The following PACRG variants were observed in gnomAD, a reference collection of about 807,000 sequenced individuals.
PACRG encodes the protein parkin coregulated gene protein.
In PACRG, 29 loss-of-function variants were observed where a neutral mutation model predicts 29.7. The ratio of observed to expected loss-of-function variants is 0.98; its 90% CI spans 0.73 to 1.33. The LOEUF (loss-of-function observed/expected upper bound fraction) is 1.33, where lower values mean the gene tolerates loss of function less well. Among genes scored for constraint, PACRG ranks in the 40% most tolerant of loss-of-function variants. The pLI is 0.00. For missense variants in PACRG, 279 were observed against 316.2 expected, an observed-to-expected ratio of 0.88 and a Z score of 0.89; for synonymous variants, 116 against 118.7, an observed-to-expected ratio of 0.98 and a Z score of 0.15.
intron 4 of PACRG, among the ~76,000 whole-genome samples, chr6:163,268,576 G>A (rs1198836898): frequency 1.3e-5 from 2 of 152,012 alleles, no homozygotes; most frequent in Non-Finnish European, 2.9e-5. Flanking sequence ...GCCCTAAACG[G>A]TCAGTTTGCT....
chr6:162,772,494 A>C (rs1783299605), intron 1 of PACRG, among the ~76,000 whole-genome samples: 1 of 152,234 alleles, frequency 6.6e-6, no homozygotes, highest in Admixed American at 6.5e-5. Context: ...AGAAATAAGG[A>C]AAAAGAAATT....
intron 4 of PACRG, among the ~76,000 whole-genome samples, chr6:163,108,778 A>G (rs1208825543): frequency 6.6e-6 from 1 of 152,224 alleles, no homozygotes; most frequent in Non-Finnish European, 1.5e-5. Flanking sequence ...GAACAGACTA[A>G]TAACACTGTC....
At chr6:163,023,373 G>A (rs1380106154) in intron 2 of PACRG, among the ~76,000 whole-genome samples, 1 of 152,160 alleles carries the variant, frequency 6.6e-6, no homozygotes, top group Non-Finnish European at 1.5e-5. Context: ...ATGACCTCCA[G>A]CTCTATTTAC....
At position 163,120,688 on chromosome 6, in the gene PACRG, G is replaced by GA. The variant is rs375142150; in HGVS notation, c.613+31290dup. ...TTTTGTTTTTGGTTTTTCTTTTTAA[G>GA]AAAAAAAAAATACTGTGGACTTCTG... On this transcript the variant is annotated intron_variant, in intron 4 of 4. Coordinates refer to ENST00000366888, the MANE Select transcript of PACRG (RefSeq NM_001080379.2). 8.5e-3 allele frequency among the ~76,000 whole-genome samples: 1,264 copies of GA among 149,050 alleles called. 8 individuals carry two copies. The highest frequency in any genetic ancestry group is 0.014 in the Non-Finnish European group (927 of 67,090).
At chr6:162,849,407 T>G (rs890708109) in intron 2 of PACRG, among the ~76,000 whole-genome samples, 1 of 152,186 alleles carries the variant, frequency 6.6e-6, no homozygotes, top group African/African-American at 2.4e-5. Flanking sequence ...ATGTGAAGAA[T>G]GCATGCCCCA....
chr6:162,841,381 A>G (rs1229558919), intron 2 of PACRG, among the ~76,000 whole-genome samples: 1 of 151,862 alleles, frequency 6.6e-6, no homozygotes, highest in Non-Finnish European at 1.5e-5. Context: ...GTTTATTTGC[A>G]TAGAGGTGTT....
At chr6:163,072,494 T>C (rs1271904357) in intron 3 of PACRG, among the ~76,000 whole-genome samples, 1 of 152,140 alleles carries the variant, frequency 6.6e-6, no homozygotes, top group Non-Finnish European at 1.5e-5. Context: ...GACTCACAGC[T>C]AGTATCACAC....
intron 2 of PACRG, among the ~76,000 whole-genome samples, chr6:162,869,720 GATTCTTGATAA>G (rs1345333724): frequency 2.0e-5 from 3 of 152,142 alleles, no homozygotes; most frequent in African/African-American, 4.8e-5. Context: ...TGGAAAGCCT[GATTCTTGATAA>G]ATTCATTATC....
chr6:162,891,050 C>T (rs1006793322), intron 2 of PACRG, among the ~76,000 whole-genome samples: 1 of 152,178 alleles, frequency 6.6e-6, no homozygotes, highest in African/African-American at 2.4e-5. Flanking sequence ...TTGTGATGCT[C>T]ATACGTGGTC....
intron 3 of PACRG, among the ~76,000 whole-genome samples, chr6:163,078,615 G>A (rs1812775809): frequency 1.3e-5 from 2 of 151,942 alleles, no homozygotes; most frequent in African/African-American, 2.4e-5. Flanking sequence ...CATTATCATC[G>A]TCATCATTAT....
In PACRG at chr6:163,269,940, AAAGAAAGAAAGAAAGAAAGAAAGAAAG is replaced by A. The variant is rs1783731598; in HGVS notation, c.614-44884_614-44858del. On this transcript the variant is annotated intron_variant, in intron 4 of 4. Coordinates refer to ENST00000366888, the MANE Select transcript of PACRG (RefSeq NM_001080379.2). ...AAAGAAAGAAAGAAAACAAAGAAAG[AAAGAAAGAAAGAAAGAAAGAAAGAAAG>A]AAAGAAAGAAAGAAAGAAAGAAAGA... is the stretch of plus-strand genomic sequence containing the variant. 8.1e-5 allele frequency among the ~76,000 whole-genome samples: 2 copies of A among 24,664 alleles called. 1 individual carries two copies. Among genetic ancestry groups the A allele is most frequent in the Non-Finnish European group, 1.6e-4 (2 of 12,572 alleles). 16.2% of individuals were successfully genotyped at this position (24,664 alleles called of 152,430 possible).
At chr6:163,119,118 C>T (rs141437929) in intron 4 of PACRG, among the ~76,000 whole-genome samples, 54 of 152,312 alleles carry the variant, frequency 3.5e-4, no homozygotes, top group Admixed American at 3.1e-3. Context: ...ATGCAGATCC[C>T]AGGGCCATCT....
At chr6:163,132,672 TC>T (rs1816786372) in intron 4 of PACRG, among the ~76,000 whole-genome samples, 1 of 152,200 alleles carries the variant, frequency 6.6e-6, no homozygotes, top group African/African-American at 2.4e-5. Context: ...CTTCTGTACC[TC>T]CTCAGTAGGA....
chr6:163,253,248 GGA>G (rs1249963502), intron 4 of PACRG, among the ~76,000 whole-genome samples: 1 of 150,494 alleles, frequency 6.6e-6, no homozygotes, highest in Non-Finnish European at 1.5e-5. Context: ...TGCAGTGAGG[GGA>G]GATCGCACCA....
At chr6:163,174,662 G>T (rs1455550216) in intron 4 of PACRG, among the ~76,000 whole-genome samples, 2 of 152,158 alleles carry the variant, frequency 1.3e-5, no homozygotes, top group Admixed American at 1.3e-4. Flanking sequence ...AATCATCATT[G>T]TTGGGAAACT....
At position 162,728,137 on chromosome 6, in the gene PACRG, C is replaced by G; in HGVS notation, c.-99C>G. The G allele has an allele frequency of 7.2e-7, 1 of 1,381,126 alleles. No individual in the cohort carries two copies. The allele number at this position is 1,381,126 out of a possible 1,614,324, so 85.6% of individuals were successfully genotyped here. On this transcript the variant is annotated 5_prime_UTR_variant, in exon 1 of 5. Transcript: ENST00000366888. ...AGGGGTTGAATTTCTACCATTATCG[C>G]GCCTTTTGATATTTTTTTCCAGACC...
At chr6:163,252,268 A>G (rs1782936623) in intron 4 of PACRG, among the ~76,000 whole-genome samples, 1 of 152,236 alleles carries the variant, frequency 6.6e-6, no homozygotes, top group African/African-American at 2.4e-5. Flanking sequence ...ATATTCCCCA[A>G]GCATCGCTGA....
intron 2 of PACRG, among the ~76,000 whole-genome samples, chr6:162,989,592 A>G (rs571381908): frequency 6.6e-6 from 1 of 152,266 alleles, no homozygotes; most frequent in South Asian, 2.1e-4. Context: ...GGAAATCATA[A>G]CCAAAAAAAT....
At chr6:163,294,338 C>T (rs989670235) in intron 4 of PACRG, among the ~76,000 whole-genome samples, 4 of 151,964 alleles carry the variant, frequency 2.6e-5, no homozygotes, top group Non-Finnish European at 4.4e-5. Context: ...TTTTCTAAAA[C>T]CACTAAAAAA....
Sources: gnomAD v4.1 joint callset for allele counts (sites outside exome capture counted in the v4.1 genomes callset) on GRCh38, gnomAD v4.1.1 for gene constraint, MANE v1.5 for transcripts, NCBI Gene and HGNC (gene_info 2026-07-23, HGNC 2026-07-21) for gene names.